DLGAP2: variants seen among roughly 807,000 people sequenced by gnomAD.
DLGAP2 encodes the protein disks large-associated protein 2.
Under a neutral mutation model 100.3 loss-of-function variants are expected in DLGAP2, and 26 were observed. The ratio of observed to expected loss-of-function variants is 0.26; its 90% CI spans 0.19 to 0.36. The LOEUF (loss-of-function observed/expected upper bound fraction) is 0.36, where lower values mean the gene tolerates loss of function less well. DLGAP2 is among the 10% of genes least tolerant of loss of function. DLGAP2 has a pLI of 1.00. For synonymous variants in DLGAP2, 886 were observed against 630.1 expected, an observed-to-expected ratio of 1.41 and a Z score of -6.08; for missense variants, 1,858 against 1,453.2, an observed-to-expected ratio of 1.28 and a Z score of -4.53.
intron 2 of DLGAP2, among the ~76,000 whole-genome samples, chr8:1,234,624 T>C (rs6989192): frequency 0.077 from 11,764 of 152,212 alleles, 1,072 homozygotes; most frequent in African/African-American, 0.22. Context: ...TTCTAGATGG[T>C]TTCAGCTCTA....
At chr8:920,425 T>C (rs1467139200) in intron 2 of DLGAP2, among the ~76,000 whole-genome samples, 1 of 152,234 alleles carries the variant, frequency 6.6e-6, no homozygotes, top group African/African-American at 2.4e-5. Flanking sequence ...TCAGGCCTGC[T>C]TTGTGAATCC....
chr8:1,225,118 C>A (rs1798388302), intron 2 of DLGAP2, among the ~76,000 whole-genome samples: 1 of 152,188 alleles, frequency 6.6e-6, no homozygotes, highest in African/African-American at 2.4e-5. Context: ...GGTGCCCAAA[C>A]CAGTGCGGGA....
rs150439509 is a variant in DLGAP2 at position 1,647,615 on chromosome 8, G to A, written c.1810+14569G>A. ...CAGACAGCAGAACACATTCCTATGA[G>A]ATTCATGCTAACAATATCAAGATAG... On this transcript the variant is annotated intron_variant, in intron 8 of 14. Transcript: ENST00000637795. Among the ~76,000 whole-genome samples the A allele has an allele frequency of 2.4e-3, 358 of 148,224 alleles. 1 individual carries two copies. Among genetic ancestry groups the A allele is most frequent in the African/African-American group, 8.6e-3 (349 of 40,780 alleles).
intron 2 of DLGAP2, among the ~76,000 whole-genome samples, chr8:1,089,723 G>T (rs1477402094): frequency 1.3e-5 from 2 of 152,214 alleles, no homozygotes; most frequent in East Asian, 3.8e-4. Flanking sequence ...GCAGTTTAAA[G>T]GATATTTTTA....
chr8:1,598,718 T>C (rs545827611), intron 6 of DLGAP2, among the ~76,000 whole-genome samples: 5 of 152,314 alleles, frequency 3.3e-5, no homozygotes, highest in African/African-American at 1.2e-4. Flanking sequence ...ATCTCCCCTT[T>C]ATCATTTTTT....
At chr8:1,012,720 C>T (rs1479897030) in intron 2 of DLGAP2, among the ~76,000 whole-genome samples, 3 of 131,322 alleles carry the variant, frequency 2.3e-5, no homozygotes, top group Non-Finnish European at 3.3e-5. Context: ...AGTGTGGACA[C>T]CGTCCGACCG....
intron 4 of DLGAP2, among the ~76,000 whole-genome samples, chr8:1,508,928 C>A (rs1184641931): frequency 6.6e-6 from 1 of 152,068 alleles, no homozygotes; most frequent in Non-Finnish European, 1.5e-5. Flanking sequence ...TTCTGCAGTT[C>A]TTTAGAGCAC....
intron 2 of DLGAP2, among the ~76,000 whole-genome samples, chr8:1,144,699 T>C (rs961337988): frequency 3.3e-5 from 5 of 152,240 alleles, no homozygotes; most frequent in African/African-American, 9.6e-5. Context: ...TCTGCAGTTT[T>C]ACTTTTGGCT....
At chr8:1,043,805 G>T (rs1347995311) in intron 2 of DLGAP2, among the ~76,000 whole-genome samples, 34 of 152,036 alleles carry the variant, frequency 2.2e-4, no homozygotes. Context: ...TCTCAGGGGT[G>T]GGCAATGCCT....
At position 1,703,584 on chromosome 8, in the gene DLGAP2, A is replaced by G. The variant is rs918026161; in HGVS notation, c.*2178A>G. On this transcript the variant is annotated 3_prime_UTR_variant, in exon 15 of 15. Transcript: ENST00000637795. The stretch of plus-strand genomic sequence containing the variant: ...CTGAGTGAAAGGAAATGTAATGTGG[A>G]TAAAGGCCCGCCACCTCCTCACATT... 4.6e-5 allele frequency: 7 copies of G among 152,256 alleles called. No individual in the cohort carries two copies. Among genetic ancestry groups the G allele is most frequent in the Admixed American group, 3.3e-4 (5 of 15,284 alleles). The allele number at this position is 152,256 out of a possible 1,614,324, so 9.4% of individuals were successfully genotyped here.
At chr8:1,289,160 G>A (rs1417819602) in intron 3 of DLGAP2, among the ~76,000 whole-genome samples, 1 of 152,178 alleles carries the variant, frequency 6.6e-6, no homozygotes, top group East Asian at 1.9e-4. Context: ...GCCAATGTCT[G>A]CATTTAGCTG....
At chr8:1,681,306 T>C (rs1798938094) in intron 12 of DLGAP2, among the ~76,000 whole-genome samples, 1 of 151,240 alleles carries the variant, frequency 6.6e-6, no homozygotes, top group Admixed American at 6.6e-5. Context: ...TTTTCAAGGA[T>C]TATCATTTTT....
At chr8:864,569 T>A (rs1241770941) in intron 1 of DLGAP2, among the ~76,000 whole-genome samples, 1 of 152,174 alleles carries the variant, frequency 6.6e-6, no homozygotes, top group African/African-American at 2.4e-5. Flanking sequence ...GAGACTTGGA[T>A]TATCAAGCTA....
intron 2 of DLGAP2, among the ~76,000 whole-genome samples, chr8:1,021,216 A>G (rs1246374500): frequency 6.6e-6 from 1 of 152,210 alleles, no homozygotes; most frequent in African/African-American, 2.4e-5. Context: ...TACCCTTGAC[A>G]TCAGAAACAT....
intron 1 of DLGAP2, among the ~76,000 whole-genome samples, chr8:843,438 G>A (rs1254627627): frequency 6.6e-6 from 1 of 152,214 alleles, no homozygotes; most frequent in Non-Finnish European, 1.5e-5. Context: ...GACTGCTGGT[G>A]GGCAAATCCC....
intron 3 of DLGAP2, among the ~76,000 whole-genome samples, chr8:1,372,936 TTCCATGTG>T (rs1025252126): frequency 2.6e-5 from 4 of 152,220 alleles, no homozygotes; most frequent in Non-Finnish European, 5.9e-5. Flanking sequence ...GAGTGTGTTA[TTCCATGTG>T]TCAGTGAAGG....
intron 2 of DLGAP2, among the ~76,000 whole-genome samples, chr8:1,078,146 C>T (rs938822382): frequency 1.3e-5 from 2 of 152,174 alleles, no homozygotes; most frequent in African/African-American, 4.8e-5. Context: ...GCTCCCTCAA[C>T]ACGCTGGCCC....
intron 1 of DLGAP2, among the ~76,000 whole-genome samples, chr8:860,310 C>T (rs1162310929): frequency 6.6e-6 from 1 of 152,220 alleles, no homozygotes; most frequent in Non-Finnish European, 1.5e-5. Flanking sequence ...TGACCAACCA[C>T]TGGCTGCCGC....
chr8:814,508 C>T (rs868189870), intron 1 of DLGAP2, among the ~76,000 whole-genome samples: 6 of 152,226 alleles, frequency 3.9e-5, no homozygotes, highest in African/African-American at 1.4e-4. Flanking sequence ...GATTCAGACC[C>T]TGATTCGGAT....
Sources: gnomAD v4.1 joint callset for allele counts (sites outside exome capture counted in the v4.1 genomes callset) on GRCh38, gnomAD v4.1.1 for gene constraint, MANE v1.5 for transcripts, NCBI Gene and HGNC (gene_info 2026-07-23, HGNC 2026-07-21) for gene names.